The following CCDC146 variants were observed in gnomAD, a reference collection of about 807,000 sequenced individuals.
CCDC146 encodes the protein coiled-coil domain containing 146.
A neutral mutation model predicts 119.3 loss-of-function variants in CCDC146; 92 were observed. The observed-to-expected ratio is 0.77, with a 90% CI of 0.65 to 0.92. CCDC146 has a LOEUF of 0.92. CCDC146 is among the 40% of genes least tolerant of loss of function. The pLI, the probability that CCDC146 is intolerant of heterozygous loss-of-function variation, is 0.00. For synonymous variants in CCDC146, 372 were observed against 371.8 expected, an observed-to-expected ratio of 1.00 and a Z score of -0.01; for missense variants, 1,000 against 1,103.0, an observed-to-expected ratio of 0.91 and a Z score of 1.32.
intron 2 of CCDC146, among the ~76,000 whole-genome samples, chr7:77,201,713 A>C (rs138013664): frequency 0.016 from 2,382 of 152,278 alleles, 54 homozygotes; most frequent in African/African-American, 0.054. Context: ...TAGCTCTTTC[A>C]AAAATTGTTT....
chr7:77,217,328 C>T (rs1792317922), intron 2 of CCDC146, among the ~76,000 whole-genome samples: 1 of 126,160 alleles, frequency 7.9e-6, no homozygotes, highest in African/African-American at 4.1e-5. Flanking sequence ...ATGACATTTT[C>T]TACACACACA....
At chr7:77,180,884 C>G (rs1685140563) in intron 2 of CCDC146, among the ~76,000 whole-genome samples, 1 of 152,146 alleles carries the variant, frequency 6.6e-6, no homozygotes. Context: ...ACACTGTGTG[C>G]CATCTAACTT....
chr7:77,148,347 C>G (rs1398524960), intron 1 of CCDC146, among the ~76,000 whole-genome samples: 1 of 152,166 alleles, frequency 6.6e-6, no homozygotes, highest in African/African-American at 2.4e-5. Flanking sequence ...ACCCTGACCC[C>G]TTGTGCTTCC....
chr7:77,227,574 G>A (rs888577758), intron 2 of CCDC146, among the ~76,000 whole-genome samples: 3 of 152,212 alleles, frequency 2.0e-5, no homozygotes, highest in African/African-American at 4.8e-5. Context: ...CAAAGTGCTG[G>A]CATTACAGGC....
intron 1 of CCDC146, among the ~76,000 whole-genome samples, chr7:77,132,508 G>C (rs929054648): frequency 3.4e-5 from 5 of 145,130 alleles, no homozygotes; most frequent in African/African-American, 1.3e-4. Context: ...CTTGAATCCA[G>C]GAGTTCAAGA....
At chr7:77,199,643 C>G in intron 2 of CCDC146, 1 of 1,614,202 alleles carries the variant, frequency 6.2e-7, no homozygotes, top group Non-Finnish European at 8.5e-7. Flanking sequence ...TCCCCTGCCT[C>G]TTCGCATTTC....
intron 2 of CCDC146, among the ~76,000 whole-genome samples, chr7:77,232,763 A>G (rs1318681016): frequency 6.6e-6 from 1 of 152,174 alleles, no homozygotes; most frequent in East Asian, 1.9e-4. Context: ...ACAGCTGCCC[A>G]TGGGGAAGAA....
intron 2 of CCDC146, among the ~76,000 whole-genome samples, chr7:77,197,697 T>TTG (rs1316200089): frequency 6.6e-6 from 1 of 152,238 alleles, no homozygotes; most frequent in African/African-American, 2.4e-5. Flanking sequence ...TAAATTCATA[T>TTG]TCATTTCACT....
chr7:77,213,734 T>C (rs1212052502), intron 2 of CCDC146, among the ~76,000 whole-genome samples: 1 of 152,212 alleles, frequency 6.6e-6, no homozygotes, highest in African/African-American at 2.4e-5. Context: ...TTTGATTTTG[T>C]TTCTGCATTC....
intron 9 of CCDC146, among the ~76,000 whole-genome samples, chr7:77,269,302 T>G (rs888032317): frequency 2.6e-5 from 4 of 152,142 alleles, no homozygotes; most frequent in African/African-American, 9.6e-5. Flanking sequence ...TCATAGTATC[T>G]TTAATCTCTT....
At chr7:77,284,421 AT>A (rs1359891292) in intron 15 of CCDC146, among the ~76,000 whole-genome samples, 1 of 151,394 alleles carries the variant, frequency 6.6e-6, no homozygotes, top group Non-Finnish European at 1.5e-5. Flanking sequence ...CCCCCACTCC[AT>A]TTTACAGAAG....
At chr7:77,180,524 C>A (rs945588863) in intron 2 of CCDC146, among the ~76,000 whole-genome samples, 1 of 152,208 alleles carries the variant, frequency 6.6e-6, no homozygotes, top group East Asian at 1.9e-4. Flanking sequence ...CAAAGTGAGA[C>A]CCCACCTTTA....
At chr7:77,128,352 G>C (rs1031444540) in intron 1 of CCDC146, among the ~76,000 whole-genome samples, 4 of 151,910 alleles carry the variant, frequency 2.6e-5, no homozygotes, top group African/African-American at 7.3e-5. Flanking sequence ...CATGGGCCAG[G>C]TTTTCGATTT....
chr7:77,234,991 C>A (rs1252228794), intron 2 of CCDC146, among the ~76,000 whole-genome samples: 3 of 152,076 alleles, frequency 2.0e-5, no homozygotes, highest in Non-Finnish European at 4.4e-5. Flanking sequence ...ATTTTTCTAC[C>A]CTGATGCGGG....
chr7:77,231,404 G>A (rs1310269393), intron 2 of CCDC146, among the ~76,000 whole-genome samples: 1 of 152,188 alleles, frequency 6.6e-6, no homozygotes, highest in African/African-American at 2.4e-5. Flanking sequence ...AATCTTATCT[G>A]TGAATTGTGA....
At chr7:77,127,565 C>T (rs1269292835) in intron 1 of CCDC146, among the ~76,000 whole-genome samples, 4 of 152,104 alleles carry the variant, frequency 2.6e-5, no homozygotes, top group Non-Finnish European at 5.9e-5. Context: ...AGTATTCTTT[C>T]ATGTCTTTTT....
chr7:77,271,999 C>T (rs1406873131), intron 9 of CCDC146, among the ~76,000 whole-genome samples: 2 of 152,116 alleles, frequency 1.3e-5, no homozygotes, highest in Non-Finnish European at 2.9e-5. Flanking sequence ...ATGAGGACAG[C>T]CCACTCCAGG....
intron 9 of CCDC146, among the ~76,000 whole-genome samples, chr7:77,266,991 A>AT (rs71085446): frequency 0.034 from 4,618 of 136,400 alleles, 84 homozygotes; most frequent in African/African-American, 0.053. Context: ...ATGCAAAGGA[A>AT]TTTTTTTTTT....
At chr7:77,261,939 T>G (rs929079428) in intron 8 of CCDC146, among the ~76,000 whole-genome samples, 182 bp from the exon 9 acceptor site, 1 of 152,236 alleles carries the variant, frequency 6.6e-6, no homozygotes, top group Non-Finnish European at 1.5e-5. Flanking sequence ...TATAACAGTT[T>G]ATATTCCTTT....
Sources: gnomAD v4.1 joint callset for allele counts (sites outside exome capture counted in the v4.1 genomes callset) on GRCh38, gnomAD v4.1.1 for gene constraint, MANE v1.5 for transcripts, NCBI Gene and HGNC (gene_info 2026-07-23, HGNC 2026-07-21) for gene names.